Variants in NCKAP5 observed in about 807,000 individuals in gnomAD.
NCKAP5 encodes NCK associated protein 5.
Under a neutral mutation model 167.0 loss-of-function variants are expected in NCKAP5, and 92 were observed. That is an observed-to-expected ratio of 0.55 (90% CI 0.47 to 0.66). The LOEUF is 0.66. Ranked by LOEUF, NCKAP5 falls within the 30% of genes least tolerant of loss-of-function variation. The probability of loss-of-function intolerance (pLI) is 0.00; values close to 1 mark genes in which losing one functional copy is unlikely to be tolerated. For missense variants in NCKAP5, 2,378 were observed against 2,315.0 expected, an observed-to-expected ratio of 1.03 and a Z score of -0.56; for synonymous variants, 891 against 877.4, an observed-to-expected ratio of 1.02 and a Z score of -0.27.
rs188084984 is a variant in NCKAP5, at chr2:133,202,312, G to A, written c.207+11404C>T. 2.9e-3 allele frequency among the ~76,000 whole-genome samples: 445 copies of A among 152,294 alleles called. 1 individual carries two copies. Among genetic ancestry groups the A allele is most frequent in the African/African-American group, 9.8e-3 (408 of 41,554 alleles). On this transcript the variant is annotated intron_variant, in intron 5 of 19. Transcript: ENST00000409261. Reference sequence around the variant, plus strand: ...AGGATTTCCCTATTTAATAAATGGTGCTGGGAAAACTGGCTAGCCATATGG... The same window carrying A: ...AGGATTTCCCTATTTAATAAATGGTACTGGGAAAACTGGCTAGCCATATGG...
intron 4 of NCKAP5, among the ~76,000 whole-genome samples, chr2:133,287,233 G>A (rs2150496590): frequency 6.6e-6 from 1 of 152,200 alleles, no homozygotes; most frequent in South Asian, 2.1e-4. Flanking sequence ...TCAGTATTGT[G>A]AACCTTGTAC....
At chr2:133,518,159 T>C (rs1575094194) in intron 2 of NCKAP5, among the ~76,000 whole-genome samples, 1 of 152,204 alleles carries the variant, frequency 6.6e-6, no homozygotes, top group East Asian at 1.9e-4. Context: ...AATGAGTATT[T>C]ATAGAACCCA....
intron 5 of NCKAP5, among the ~76,000 whole-genome samples, chr2:133,203,725 C>A (rs2085813804): frequency 6.6e-6 from 1 of 152,032 alleles, no homozygotes; most frequent in Non-Finnish European, 1.5e-5. Context: ...GCAGGGGTTA[C>A]CTGGAGGGCA....
chr2:133,498,966 G>T (rs2151380368), intron 3 of NCKAP5, among the ~76,000 whole-genome samples: 1 of 152,316 alleles, frequency 6.6e-6, no homozygotes, highest in South Asian at 2.1e-4. Context: ...GTCATGCCTG[G>T]GTTGGCGACC....
intron 5 of NCKAP5, among the ~76,000 whole-genome samples, chr2:133,144,442 G>A (rs1181174841): frequency 6.6e-6 from 1 of 152,060 alleles, no homozygotes; most frequent in Non-Finnish European, 1.5e-5. Context: ...TCATTTTCCA[G>A]GAGGTGACAT....
intron 3 of NCKAP5, among the ~76,000 whole-genome samples, chr2:133,362,784 T>C (rs1294799185): frequency 1.3e-5 from 2 of 152,120 alleles, no homozygotes; most frequent in South Asian, 2.1e-4. Context: ...GACAGAATCT[T>C]GCTCTGTCGC....
chr2:132,913,392 G>T (rs1033981355), intron 8 of NCKAP5, among the ~76,000 whole-genome samples: 2 of 151,598 alleles, frequency 1.3e-5, no homozygotes, highest in Admixed American at 1.3e-4. Flanking sequence ...GTGTGATCTC[G>T]GGTGTGATGC....
chr2:133,106,027 C>T (rs2081676486), intron 6 of NCKAP5, among the ~76,000 whole-genome samples: 1 of 152,050 alleles, frequency 6.6e-6, no homozygotes, highest in Non-Finnish European at 1.5e-5. Context: ...CTCTCTTCTC[C>T]TTTTATTAAA....
intron 19 of NCKAP5, among the ~76,000 whole-genome samples, chr2:132,692,025 A>G (rs978194875): frequency 6.6e-6 from 1 of 152,068 alleles, no homozygotes; most frequent in African/African-American, 2.4e-5. Context: ...CCTCTGTTCA[A>G]ATGTCCCTTC....
chr2:132,767,579 AG>A, intron 16 of NCKAP5, among the ~76,000 whole-genome samples: 1 of 152,186 alleles, frequency 6.6e-6, no homozygotes, highest in East Asian at 1.9e-4. Context: ...ACTTTGCCTG[AG>A]TTCTTGTTAC....
intron 8 of NCKAP5, among the ~76,000 whole-genome samples, chr2:132,920,264 G>GTGAC (rs1464904086): frequency 6.6e-6 from 1 of 152,084 alleles, no homozygotes; most frequent in Non-Finnish European, 1.5e-5. Flanking sequence ...AGATAGTTAT[G>GTGAC]TGACCAAGGG....
At chr2:133,461,670 T>C (rs376187071) in intron 3 of NCKAP5, among the ~76,000 whole-genome samples, 5 of 152,296 alleles carry the variant, frequency 3.3e-5, no homozygotes, top group Non-Finnish European at 5.9e-5. Context: ...AGAGGGTGCA[T>C]TGACACATCA....
chr2:133,586,161 G>A, the NCKAP5 span, among the ~76,000 whole-genome samples: 1 of 152,142 alleles, frequency 6.6e-6, no homozygotes. Context: ...CAGACTCTTA[G>A]TAGAATCTCA....
At chr2:133,088,397 C>T (rs1029441191) in intron 6 of NCKAP5, among the ~76,000 whole-genome samples, 1 of 152,116 alleles carries the variant, frequency 6.6e-6, no homozygotes, top group Admixed American at 6.5e-5. Context: ...TCTTTCTGCA[C>T]CAAACCTCTC....
chr2:133,148,750 A>AG (rs1397635882), intron 5 of NCKAP5, among the ~76,000 whole-genome samples: 1 of 152,116 alleles, frequency 6.6e-6, no homozygotes, highest in African/African-American at 2.4e-5. Context: ...AGCTCTCTGA[A>AG]GTCTCTTCTG....
At chr2:132,931,790 C>T (rs917450909) in intron 8 of NCKAP5, among the ~76,000 whole-genome samples, 1 of 152,132 alleles carries the variant, frequency 6.6e-6, no homozygotes, top group Non-Finnish European at 1.5e-5. Context: ...ATTTTTTACC[C>T]TTTCCAATTG....
chr2:133,306,687 T>G (rs1680802042), intron 3 of NCKAP5, among the ~76,000 whole-genome samples: 1 of 152,218 alleles, frequency 6.6e-6, no homozygotes, highest in African/African-American at 2.4e-5. Flanking sequence ...ATCTATTTAT[T>G]GCTGTCCTGT....
At chr2:133,566,995 C>A (rs1260354666) in intron 1 of NCKAP5, among the ~76,000 whole-genome samples, 1 of 152,280 alleles carries the variant, frequency 6.6e-6, no homozygotes, top group East Asian at 1.9e-4. Context: ...TCTCACAATT[C>A]TGAGACTAGA....
At chr2:133,148,370 G>T (rs1261462530) in intron 5 of NCKAP5, among the ~76,000 whole-genome samples, 1 of 152,068 alleles carries the variant, frequency 6.6e-6, no homozygotes, top group Non-Finnish European at 1.5e-5. Context: ...TAAAGAGTTT[G>T]TTATTTAATT....
Sources: gnomAD v4.1 joint callset for allele counts (sites outside exome capture counted in the v4.1 genomes callset) on GRCh38, gnomAD v4.1.1 for gene constraint, MANE v1.5 for transcripts, NCBI Gene and HGNC (gene_info 2026-07-23, HGNC 2026-07-21) for gene names.